Variants in EYA1 observed in about 807,000 individuals in gnomAD.
The protein encoded by EYA1 is protein phosphatase EYA1.
EYA1 carries 16 observed loss-of-function variants against 82.0 expected under a neutral mutation model. That is an observed-to-expected ratio of 0.20 (90% CI 0.13 to 0.30). The LOEUF (loss-of-function observed/expected upper bound fraction) is 0.30, where lower values mean the gene tolerates loss of function less well. Among genes scored for constraint, EYA1 ranks in the 10% least tolerant of loss-of-function variants. The pLI is 1.00. For missense variants in EYA1, 633 were observed against 730.7 expected (o/e 0.87, Z 1.54); for synonymous variants, 261 against 264.4 (o/e 0.99, Z 0.12).
intron 1 of EYA1, among the ~76,000 whole-genome samples, chr8:71,541,760 T>C (rs1176065218): frequency 6.6e-6 from 1 of 152,210 alleles, no homozygotes; most frequent in Admixed American, 6.5e-5. Flanking sequence ...ATTTAAAACA[T>C]AATCTAATTG....
At chr8:71,221,774 A>G (rs1186523041) in intron 12 of EYA1, among the ~76,000 whole-genome samples, 1 of 152,180 alleles carries the variant, frequency 6.6e-6, no homozygotes, top group Admixed American at 6.5e-5. Context: ...TGTTAACTGA[A>G]TGCAGGCACC....
At chr8:71,334,766 C>A (rs946712848) in intron 3 of EYA1, among the ~76,000 whole-genome samples, 3 of 152,146 alleles carry the variant, frequency 2.0e-5, no homozygotes, top group African/African-American at 7.2e-5. Context: ...ATGCTTCGTA[C>A]CAAAAACATA....
At chr8:71,417,428 C>G (rs1159053969) in intron 2 of EYA1, among the ~76,000 whole-genome samples, 2 of 152,086 alleles carry the variant, frequency 1.3e-5, no homozygotes, top group African/African-American at 4.8e-5. Context: ...AGAACATGGA[C>G]AAGTTTAGAA....
At chr8:71,323,660 C>T (rs911752835) in intron 4 of EYA1, among the ~76,000 whole-genome samples, 14 of 152,182 alleles carry the variant, frequency 9.2e-5, no homozygotes, top group African/African-American at 3.1e-4. Context: ...GATGGCAAGC[C>T]GGCCCAGCTG....
At chr8:71,452,091 G>T (rs12548118) in intron 2 of EYA1, among the ~76,000 whole-genome samples, 17,347 of 152,194 alleles carry the variant, frequency 0.11, 1,816 homozygotes, top group East Asian at 0.47. Flanking sequence ...CTTCTCCAAT[G>T]GCCTTAGCAA....
chr8:71,337,038 A>G (rs1338383016), intron 3 of EYA1, among the ~76,000 whole-genome samples: 1 of 152,218 alleles, frequency 6.6e-6, no homozygotes, highest in Non-Finnish European at 1.5e-5. Flanking sequence ...AATTTTATCC[A>G]TCCCATTCCC....
intron 2 of EYA1, among the ~76,000 whole-genome samples, chr8:71,377,189 G>A (rs747364157): frequency 5.3e-5 from 8 of 152,112 alleles, no homozygotes; most frequent in Non-Finnish European, 8.8e-5. Flanking sequence ...TTTCTTCCAG[G>A]AACAGACATT....
chr8:71,360,486 T>C (rs1177287245), intron 1 of EYA1, among the ~76,000 whole-genome samples: 1 of 152,206 alleles, frequency 6.6e-6, no homozygotes. Context: ...AACTGAACAG[T>C]GGCTCAATTA....
chr8:71,246,063 T>A (rs1813053816), intron 11 of EYA1, among the ~76,000 whole-genome samples: 1 of 152,194 alleles, frequency 6.6e-6, no homozygotes, highest in South Asian at 2.1e-4. Context: ...AGAAGCAACA[T>A]GGTTCATGGC....
chr8:71,299,315 G>A, intron 8 of EYA1, 82 bp from the exon 9 acceptor site: 8 of 1,447,138 alleles, frequency 5.5e-6, no homozygotes, highest in Non-Finnish European at 7.8e-6. Context: ...CTGTAAGTAT[G>A]TTTGGGTTTC....
intron 4 of EYA1, among the ~76,000 whole-genome samples, chr8:71,328,981 A>T (rs1823490019): frequency 6.6e-6 from 1 of 152,202 alleles, no homozygotes; most frequent in Non-Finnish European, 1.5e-5. Flanking sequence ...TGCCATGAAG[A>T]CCATCAGGAC....
At chr8:71,267,057 A>T (rs1392808519) in intron 11 of EYA1, among the ~76,000 whole-genome samples, 1 of 152,086 alleles carries the variant, frequency 6.6e-6, no homozygotes, top group Non-Finnish European at 1.5e-5. Flanking sequence ...TTGGACCCCC[A>T]TTTTTCTTCC....
intron 2 of EYA1, among the ~76,000 whole-genome samples, chr8:71,502,065 A>G (rs1329116620): frequency 6.6e-6 from 1 of 152,186 alleles, no homozygotes; most frequent in Non-Finnish European, 1.5e-5. Context: ...TAGGTGCTTG[A>G]TAAGTGTTTG....
chr8:71,408,210 C>T (rs1438352967), intron 2 of EYA1, among the ~76,000 whole-genome samples: 1 of 151,870 alleles, frequency 6.6e-6, no homozygotes, highest in Non-Finnish European at 1.5e-5. Context: ...CCTAAAAGAG[C>T]TCCTGAAGGA....
At chr8:71,444,999 A>C (rs1806758258) in intron 2 of EYA1, among the ~76,000 whole-genome samples, 4 of 152,260 alleles carry the variant, frequency 2.6e-5, no homozygotes. Context: ...AACTCAAATC[A>C]GACCCTATCA....
chr8:71,375,339 T>C (rs1273009845), intron 2 of EYA1, among the ~76,000 whole-genome samples: 2 of 151,942 alleles, frequency 1.3e-5, no homozygotes, highest in African/African-American at 2.4e-5. Context: ...GTAATATAAA[T>C]GCCAAACATT....
chr8:71,527,751 A>T (rs1416432147), intron 2 of EYA1, among the ~76,000 whole-genome samples: 1 of 152,216 alleles, frequency 6.6e-6, no homozygotes, highest in Non-Finnish European at 1.5e-5. Flanking sequence ...ACATGCATTA[A>T]CATTATCCTG....
At chr8:71,524,302 C>G (rs1186563980) in intron 2 of EYA1, among the ~76,000 whole-genome samples, 1 of 152,154 alleles carries the variant, frequency 6.6e-6, no homozygotes, top group Non-Finnish European at 1.5e-5. Flanking sequence ...GAACACATCA[C>G]TAAAAATCAC....
chr8:71,519,199 G>C (rs1321308235), intron 2 of EYA1, among the ~76,000 whole-genome samples: 1 of 152,126 alleles, frequency 6.6e-6, no homozygotes, highest in African/African-American at 2.4e-5. Flanking sequence ...GTTACACCTA[G>C]ACAGTGCTTC....
Sources: allele counts gnomAD v4.1 joint callset (sites outside exome capture counted in the v4.1 genomes callset), GRCh38; gene constraint gnomAD v4.1.1; transcripts MANE v1.5; gene names NCBI Gene and HGNC (gene_info 2026-07-23, HGNC 2026-07-21).